The following TNS1 variants were observed in gnomAD, a reference collection of about 807,000 sequenced individuals.
TNS1 encodes tensin 1.
In TNS1, 62 loss-of-function variants were observed where a neutral mutation model predicts 168.6. The observed-to-expected ratio is 0.37, with a 90% confidence interval of 0.30 to 0.45. TNS1 has a LOEUF of 0.45. Among genes scored for constraint, TNS1 ranks in the 20% least tolerant of loss-of-function variants. TNS1 has a pLI of 1.00. For missense variants in TNS1, 2,240 were observed against 2,339.4 expected (o/e 0.96, Z 0.88); for synonymous variants, 934 against 933.2 (o/e 1.00, Z -0.02).
intron 1 of TNS1, among the ~76,000 whole-genome samples, chr2:217,994,113 G>GAGCT (rs1958426158): frequency 6.6e-6 from 1 of 152,052 alleles, no homozygotes; most frequent in Non-Finnish European, 1.5e-5. Context: ...ATATTCCAGA[G>GAGCT]AGCTAGGTTC....
intron 18 of TNS1, among the ~76,000 whole-genome samples, chr2:217,873,107 G>A (rs756951118): frequency 2.4e-4 from 36 of 152,236 alleles, no homozygotes; most frequent in Non-Finnish European, 4.3e-4. Flanking sequence ...ATGAGATTAC[G>A]GTGATGGTTG....
intron 1 of TNS1, among the ~76,000 whole-genome samples, chr2:218,007,999 A>C (rs1194129685): frequency 6.6e-6 from 1 of 152,108 alleles, no homozygotes; most frequent in African/African-American, 2.4e-5. Context: ...TACCAGATTG[A>C]GGTCACTCTC....
At chr2:217,888,657 G>A (rs1455819386) in intron 12 of TNS1, among the ~76,000 whole-genome samples, 2 of 152,106 alleles carry the variant, frequency 1.3e-5, no homozygotes, top group South Asian at 2.1e-4. Context: ...CACAAGATCC[G>A]ATGGTTTTGT....
At chr2:217,816,998 G>A (rs1316095511) in intron 24 of TNS1, among the ~76,000 whole-genome samples, 1 of 152,172 alleles carries the variant, frequency 6.6e-6, no homozygotes, top group African/African-American at 2.4e-5. Context: ...AAGTTCTGGC[G>A]ATAAGTGAAG....
chr2:217,896,416 T>C lies in TNS1; in HGVS notation c.544-1360A>G, dbSNP rs528144496. 3.9e-5 allele frequency among the ~76,000 whole-genome samples: 6 copies of C among 152,256 alleles called. No homozygotes were observed. In the South Asian group the frequency reaches 1.0e-3, roughly 26 times the overall value. ...CTAGGGTGGACCCTAAGTCCAATAATTGATGTCCTTGTAGGAAGAGAAGAC... is the reference window on the plus strand; with the variant it reads ...CTAGGGTGGACCCTAAGTCCAATAACTGATGTCCTTGTAGGAAGAGAAGAC... On this transcript the variant is annotated intron_variant, in intron 8 of 32. Coordinates refer to ENST00000682258, the MANE Select transcript of TNS1 (RefSeq NM_001387777.1).
At chr2:217,877,196 C>T (rs896246669) in intron 18 of TNS1, among the ~76,000 whole-genome samples, 1 of 152,124 alleles carries the variant, frequency 6.6e-6, no homozygotes, top group East Asian at 1.9e-4. Context: ...TACACAGAGA[C>T]ACAGCTGGAC....
intron 2 of TNS1, among the ~76,000 whole-genome samples, chr2:217,982,404 T>TC (rs1958077681): frequency 6.6e-6 from 1 of 150,654 alleles, no homozygotes; most frequent in Non-Finnish European, 1.5e-5. Flanking sequence ...TCTTTTCTTT[T>TC]TTTTTTTTTT....
At chr2:217,898,662 C>T (rs1952585328) in intron 7 of TNS1, among the ~76,000 whole-genome samples, 1 of 152,222 alleles carries the variant, frequency 6.6e-6, no homozygotes, top group Admixed American at 6.5e-5. Context: ...GCAGCAGCCT[C>T]CCTGATTTCT....
At position 217,880,785 on chromosome 2, in the gene TNS1, C is replaced by T; in HGVS notation, c.1429+113G>A. 1 of 786,520 alleles carries T rather than the reference C, an allele frequency of 1.3e-6. No individual in the cohort carries two copies. Among genetic ancestry groups the T allele is most frequent in the Non-Finnish European group, 2.2e-6 (1 of 459,474 alleles). The allele number at this position is 786,520 out of a possible 1,614,324, so 48.7% of individuals were successfully genotyped here. Reference sequence around the variant, plus strand: ...CTCTCGGAGGTACCTCACACTTCCCCTCTGCCTCCTCTCGAACCCAGATCT... The same window carrying T: ...CTCTCGGAGGTACCTCACACTTCCCTTCTGCCTCCTCTCGAACCCAGATCT... On this transcript the variant is annotated intron_variant, in intron 18 of 32. Coordinates refer to ENST00000682258, the MANE Select transcript of TNS1 (RefSeq NM_001387777.1). This position sits in a 1 kb window ranked among gnomAD's most constrained non-coding sequence, Gnocchi z 4.2.
intron 22 of TNS1, among the ~76,000 whole-genome samples, chr2:217,824,554 T>A (rs907229760): frequency 2.6e-5 from 4 of 152,200 alleles, no homozygotes; most frequent in Admixed American, 2.0e-4. Flanking sequence ...ACCCAGGCAG[T>A]CTGGCCCCAA....
intron 3 of TNS1, among the ~76,000 whole-genome samples, chr2:217,964,486 C>T (rs1957574826): frequency 6.6e-6 from 1 of 152,208 alleles, no homozygotes; most frequent in Non-Finnish European, 1.5e-5. Context: ...TGTGTGAGCG[C>T]ACTGCTCAAT....
intron 8 of TNS1, among the ~76,000 whole-genome samples, chr2:217,897,137 G>T (rs1472472156): frequency 6.6e-6 from 1 of 152,078 alleles, no homozygotes; most frequent in South Asian, 2.1e-4. Flanking sequence ...CAGATCTGTG[G>T]GTCCAGTCCA....
intron 18 of TNS1, chr2:217,859,529 G>A (rs1402138246): frequency 7.3e-6 from 7 of 963,374 alleles, no homozygotes; most frequent in South Asian, 5.6e-5. Flanking sequence ...GAGGGGACAG[G>A]AGCCCCAACA....
chr2:217,828,038 A>T (rs1234469424), intron 22 of TNS1, among the ~76,000 whole-genome samples: 1 of 152,228 alleles, frequency 6.6e-6, no homozygotes, highest in Non-Finnish European at 1.5e-5. Flanking sequence ...CATCTGAAGC[A>T]CAGAAACGTT....
In TNS1 at chr2:217,813,880, AG is replaced by A; in HGVS notation, c.4730-65del. 1 of 1,496,542 alleles carries A rather than the reference AG, an allele frequency of 6.7e-7. No individual in the cohort carries two copies. The highest frequency in any genetic ancestry group is 1.4e-5 in the South Asian group (1 of 73,898). 92.7% of individuals were successfully genotyped at this position (1,496,542 alleles called of 1,614,324 possible). ...ACCTCGGTGGCGCTAGTTTTACTTA[AG>A]TCTCATTGAGCCTACCGACCTTCGT... is the stretch of plus-strand genomic sequence containing the variant. On this transcript the variant is annotated intron_variant, in intron 25 of 32. Coordinates refer to ENST00000682258, the MANE Select transcript of TNS1 (RefSeq NM_001387777.1). The surrounding 1 kb of genome is among the most constrained non-coding windows in gnomAD (Gnocchi z 4.0).
chr2:217,816,575 G>C (rs1941916733), intron 24 of TNS1, among the ~76,000 whole-genome samples: 1 of 152,192 alleles, frequency 6.6e-6, no homozygotes, highest in African/African-American at 2.4e-5. Flanking sequence ...TGAAGCCCCA[G>C]GCCCCACTGC....
chr2:217,821,875 G>A lies in TNS1; in HGVS notation c.3437C>T (p.Ser1146Phe). The change falls in exon 23 of 33, where the codon TCT becomes TTT. Residue 1146 changes from serine (S) to phenylalanine (F), a missense_variant. Around this residue, in one of 2 missense-constraint regions of TNS1, gnomAD observed 2,131 missense variants for 2,171.2 expected, o/e 0.98. Coordinates refer to ENST00000682258, the MANE Select transcript of TNS1 (RefSeq NM_001387777.1). ...TGGAGCACTAAAGCTCTTGGGCTCAGAGTCCTGAGCTCGGGGTCCAGCCAC... is the reference window on the plus strand; with the variant it reads ...TGGAGCACTAAAGCTCTTGGGCTCAAAGTCCTGAGCTCGGGGTCCAGCCAC... ...TAVAGPRAQD[S>F]EPKSFSAPAT... 1 of 1,590,074 alleles carries A rather than the reference G, an allele frequency of 6.3e-7. No homozygotes were observed. Among genetic ancestry groups the A allele is most frequent in the Middle Eastern group, 1.7e-4 (1 of 6,010 alleles).
At chr2:217,841,279 T>C in intron 19 of TNS1, 2 of 984,558 alleles carry the variant, frequency 2.0e-6, no homozygotes, top group Non-Finnish European at 2.4e-6. Context: ...CAGCCTGGCG[T>C]TGTACGCTGC....
In TNS1 at chr2:217,996,751, C is replaced by T. The variant is rs1958477088; in HGVS notation, c.34-5695G>A. Reference sequence around the variant, plus strand: ...TGCAGCAGCCTCCTGGGCCCCGACACCAGGCCGCTCCCACCCATCGCCCCT... The same window carrying T: ...TGCAGCAGCCTCCTGGGCCCCGACATCAGGCCGCTCCCACCCATCGCCCCT... On this transcript the variant is annotated intron_variant, in intron 1 of 32. Transcript: ENST00000682258. Among the ~76,000 whole-genome samples the T allele has an allele frequency of 2.0e-5, 3 of 152,018 alleles. No homozygotes were observed. In the South Asian group the frequency reaches 6.2e-4, roughly 32 times the overall value.
Sources: allele counts gnomAD v4.1 joint callset (sites outside exome capture counted in the v4.1 genomes callset), GRCh38; gene constraint gnomAD v4.1.1; regional missense constraint gnomAD v4.1.1; non-coding constraint Gnocchi (gnomAD v3.1); transcripts MANE v1.5; gene names NCBI Gene and HGNC (gene_info 2026-07-23, HGNC 2026-07-21).